RIN3: variants seen among roughly 807,000 people sequenced by gnomAD.
RIN3 encodes Ras and Rab interactor 3.
Under a neutral mutation model 76.3 loss-of-function variants are expected in RIN3, and 54 were observed. The ratio of observed to expected loss-of-function variants is 0.71; its 90% CI spans 0.57 to 0.89. The LOEUF (loss-of-function observed/expected upper bound fraction) is 0.89, where lower values mean the gene tolerates loss of function less well. Among genes scored for constraint, RIN3 ranks in the 40% least tolerant of loss-of-function variants. The pLI is 0.00. For missense variants in RIN3, 1,256 were observed against 1,322.1 expected, an observed-to-expected ratio of 0.95 and a Z score of 0.78; for synonymous variants, 576 against 564.0, an observed-to-expected ratio of 1.02 and a Z score of -0.30.
chr14:92,551,464 C>G (rs1353527587), intron 1 of RIN3, among the ~76,000 whole-genome samples: 1 of 152,070 alleles, frequency 6.6e-6, no homozygotes, highest in Non-Finnish European at 1.5e-5. Context: ...GGGTGTATAC[C>G]TAGGAGTGGA....
At chr14:92,597,278 T>TA (rs1885183584) in intron 3 of RIN3, among the ~76,000 whole-genome samples, 1 of 152,218 alleles carries the variant, frequency 6.6e-6, no homozygotes, top group African/African-American at 2.4e-5. Flanking sequence ...ACGTGTAGCA[T>TA]AGATTCCCAG....
rs1341431247 is a variant in RIN3, at chr14:92,577,497, G to A, written c.367+20G>A. The A allele has an allele frequency of 2.6e-6, 4 of 1,534,602 alleles. No homozygotes were observed. Among genetic ancestry groups the A allele is most frequent in the Non-Finnish European group, 3.6e-6 (4 of 1,109,402 alleles). ...AGTCGAGTAAGTACCCATCTTCTCT[G>A]TTTTCACTTTGACCACGCGGCAGCA... On this transcript the variant is annotated intron_variant, in intron 3 of 9. Coordinates refer to ENST00000216487, the MANE Select transcript of RIN3 (RefSeq NM_024832.5).
At chr14:92,641,443 G>A (rs769320870) in intron 5 of RIN3, 114 bp downstream of exon 5, 87 of 732,700 alleles carry the variant, frequency 1.2e-4, no homozygotes, top group Non-Finnish European at 1.9e-4. Flanking sequence ...GCTCCCATGG[G>A]ACCACCCACA....
chr14:92,572,232 G>A (rs1456588574), intron 2 of RIN3, among the ~76,000 whole-genome samples: 1 of 152,176 alleles, frequency 6.6e-6, no homozygotes, highest in Non-Finnish European at 1.5e-5. Flanking sequence ...GCAGTGGTCC[G>A]CCAGCACTTG....
chr14:92,641,236 A>G lies in RIN3; in HGVS notation c.441-2A>G. On this transcript the variant is annotated splice_acceptor_variant, in intron 4 of 9. Transcript: ENST00000216487. LOFTEE classifies it high-confidence loss of function. ...TGACTTCTGCCCCTCGTGTCTTCAC[A>G]GAGACTTACTGCCCTTCACACTGCG... The G allele has an allele frequency of 6.2e-7, 1 of 1,612,260 alleles. No individual in the cohort carries two copies.
intron 8 of RIN3, among the ~76,000 whole-genome samples, chr14:92,680,506 T>C (rs190597999): frequency 1.1e-4 from 16 of 152,276 alleles, no homozygotes; most frequent in Admixed American, 8.5e-4. Context: ...AGCTGGCACT[T>C]CTTCTGTAAG....
Position 92,652,676 on chromosome 14 carries a change from A to T in RIN3, c.1627A>T (p.Met543Leu). The T allele has an allele frequency of 6.2e-7, 1 of 1,612,840 alleles. No individual in the cohort carries two copies. Among genetic ancestry groups the T allele is most frequent in the Non-Finnish European group, 8.5e-7 (1 of 1,179,988 alleles). ...SLSDSLGVSV[M>L]ATDQDSYSTS... ...CTCAGACAGCTTGGGGGTGTCTGTC[A>T]TGGCCACCGACCAGGACTCCTACTC... Residue 543 changes from methionine (M) to leucine (L), a missense_variant, in exon 6 of 10, where the codon ATG (methionine) becomes TTG (leucine). Physicochemically the swap from Met to Leu is conservative, Grantham distance 15. Coordinates refer to ENST00000216487, the MANE Select transcript of RIN3 (RefSeq NM_024832.5). The surrounding 1 kb of genome is among the most constrained non-coding windows in gnomAD (Gnocchi z 6.4).
rs1176236719 is a variant in RIN3, at chr14:92,688,728, G to T, written c.*476G>T. On this transcript the variant is annotated 3_prime_UTR_variant, in exon 10 of 10. Coordinates refer to ENST00000216487, the MANE Select transcript of RIN3 (RefSeq NM_024832.5). ...CCCAGCATCTCAGGAGCACCTCAGG[G>T]TGTCGGTTAAGAGACAGGCCTCCAC... is the stretch of plus-strand genomic sequence containing the variant. 6.2e-6 allele frequency: 1 copy of T among 162,392 alleles called. No individual in the cohort carries two copies. The highest frequency in any genetic ancestry group is 1.3e-5 in the Non-Finnish European group (1 of 74,748). The allele number at this position is 162,392 out of a possible 1,614,324, so 10.1% of individuals were successfully genotyped here. A position where few individuals can be genotyped will look rare whatever the true frequency, so the allele number is the denominator to read the frequency against.
intron 3 of RIN3, among the ~76,000 whole-genome samples, chr14:92,600,759 C>T (rs116643314): frequency 0.033 from 5,098 of 152,304 alleles, 243 homozygotes; most frequent in African/African-American, 0.1. Context: ...GTCTGAAACA[C>T]GGCATTGTTG....
intron 3 of RIN3, among the ~76,000 whole-genome samples, chr14:92,595,548 G>A (rs986368443): frequency 5.9e-5 from 9 of 152,134 alleles, no homozygotes; most frequent in Non-Finnish European, 1.0e-4. Context: ...GCTTTGCTCT[G>A]GGAGTTCCTA....
At chr14:92,622,311 G>T (rs1489592977) in intron 4 of RIN3, among the ~76,000 whole-genome samples, 1 of 152,162 alleles carries the variant, frequency 6.6e-6, no homozygotes, top group African/African-American at 2.4e-5. Context: ...CCTTAGGTGG[G>T]CACTGGCACC....
chr14:92,561,129 TTATA>T (rs1241671128), intron 2 of RIN3, among the ~76,000 whole-genome samples: 65 of 103,226 alleles, frequency 6.3e-4, no homozygotes, highest in African/African-American at 1.8e-3. Flanking sequence ...TTATATATAT[TTATA>T]TTTATATATA....
At chr14:92,536,076 A>G (rs1896993290) in intron 1 of RIN3, among the ~76,000 whole-genome samples, 1 of 152,102 alleles carries the variant, frequency 6.6e-6, no homozygotes, top group Non-Finnish European at 1.5e-5. Flanking sequence ...TTTCTGTTCC[A>G]CTGACCTGTG....
chr14:92,594,475 C>T (rs976689934), intron 3 of RIN3, among the ~76,000 whole-genome samples: 2 of 151,468 alleles, frequency 1.3e-5, no homozygotes, highest in African/African-American at 2.4e-5. Context: ...TGTCTTCTCT[C>T]AAACCACAAG....
At chr14:92,515,442 A>G (rs1386961438) in intron 1 of RIN3, 1 of 530,192 alleles carries the variant, frequency 1.9e-6, no homozygotes, top group East Asian at 3.1e-5. Context: ...TTTTTTGTTC[A>G]TTACTGGGTC....
At chr14:92,631,612 G>A (rs960765662) in intron 4 of RIN3, among the ~76,000 whole-genome samples, 7 of 151,842 alleles carry the variant, frequency 4.6e-5, no homozygotes, top group East Asian at 1.9e-4. Flanking sequence ...TGGCGGCGGC[G>A]GGAGTGGGGG....
chr14:92,615,804 A>T (rs1380846948), intron 4 of RIN3: 1 of 297,782 alleles, frequency 3.4e-6, no homozygotes, highest in South Asian at 5.4e-5. Context: ...TCTAGAAGAA[A>T]CTTCCTGTAG....
intron 8 of RIN3, among the ~76,000 whole-genome samples, chr14:92,679,076 G>C (rs539484913): frequency 6.6e-6 from 1 of 152,216 alleles, no homozygotes; most frequent in Non-Finnish European, 1.5e-5. Context: ...AGAAGTTCTC[G>C]AGGCCAGAGA....
Position 92,653,279 on chromosome 14 carries a change from C to G in RIN3, c.2026+204C>G, listed in dbSNP as rs139659755. The stretch of plus-strand genomic sequence containing the variant: ...CTCCCCCCCTTCCCTAGAGAATTGA[C>G]CTTGACTGTATAGGATCTGTATTAT... On this transcript the variant is annotated intron_variant, in intron 6 of 9. Coordinates refer to ENST00000216487, the MANE Select transcript of RIN3 (RefSeq NM_024832.5). Among the ~76,000 whole-genome samples the G allele has an allele frequency of 2.0e-5, 3 of 152,272 alleles. No individual in the cohort carries two copies. In the East Asian group the frequency reaches 5.8e-4, roughly 29 times the overall value.
Sources: allele counts gnomAD v4.1 joint callset (sites outside exome capture counted in the v4.1 genomes callset), GRCh38; gene constraint gnomAD v4.1.1; non-coding constraint Gnocchi (gnomAD v3.1); transcripts MANE v1.5; gene names NCBI Gene and HGNC (gene_info 2026-07-23, HGNC 2026-07-21).